Variants in PIGU observed in about 807,000 individuals in gnomAD.
PIGU encodes the protein phosphatidylinositol glycan anchor biosynthesis class U, also known as GPI-anchor transamidase component PIGU.
Under a neutral mutation model 49.9 loss-of-function variants are expected in PIGU, and 24 were observed. That is an observed-to-expected ratio of 0.48 (90% CI 0.35 to 0.68). The LOEUF is 0.68. Among genes scored for constraint, PIGU ranks in the 30% least tolerant of loss-of-function variants. PIGU has a pLI of 0.01. For synonymous variants in PIGU, 220 were observed against 205.7 expected, an observed-to-expected ratio of 1.07 and a Z score of -0.59; for missense variants, 490 against 532.6, an observed-to-expected ratio of 0.92 and a Z score of 0.79.
rs140222499 is a variant in PIGU, at chr20:34,570,980, C to A, written c.1194+4124G>T. ...GAAGAGCATGTTGCTCTTGCTGTTT[C>A]CCATGTCAACACACATGAGTAATGG... On this transcript the variant is annotated intron_variant, in intron 11 of 11. Coordinates refer to ENST00000217446, the MANE Select transcript of PIGU (RefSeq NM_080476.5). Among the ~76,000 whole-genome samples the A allele has an allele frequency of 2.0e-5, 3 of 152,320 alleles. No individual in the cohort carries two copies. In the East Asian group the frequency reaches 5.8e-4, roughly 29 times the overall value.
At chr20:34,673,253 C>CAAAAAAAA (rs71282179) in intron 1 of PIGU, among the ~76,000 whole-genome samples, 1 of 88,824 alleles carries the variant, frequency 1.1e-5, no homozygotes. Flanking sequence ...GACTCCGTCT[C>CAAAAAAAA]AAAAAAAAAA....
chr20:34,569,269 A>G (rs191879061), intron 11 of PIGU, among the ~76,000 whole-genome samples: 2 of 152,284 alleles, frequency 1.3e-5, no homozygotes, highest in East Asian at 3.9e-4. Flanking sequence ...CACTCCTGTC[A>G]CCCAGGATGG....
intron 11 of PIGU, among the ~76,000 whole-genome samples, chr20:34,567,419 CCTTACATGGCACTTTTCA>C (rs1482241201): frequency 5.3e-5 from 8 of 152,290 alleles, no homozygotes; most frequent in South Asian, 2.1e-4. Context: ...AGTAACTGTC[CCTTACATGGCACTTTTCA>C]CTTACATGGC....
At chr20:34,637,541 C>A (rs1986006158) in intron 5 of PIGU, among the ~76,000 whole-genome samples, 1 of 152,142 alleles carries the variant, frequency 6.6e-6, no homozygotes, top group Admixed American at 6.5e-5. Context: ...CACATAAAAA[C>A]CAAACTTTTA....
chr20:34,622,987 G>C (rs892809707), intron 6 of PIGU, among the ~76,000 whole-genome samples: 2 of 152,046 alleles, frequency 1.3e-5, no homozygotes, highest in African/African-American at 4.8e-5. Flanking sequence ...GCAAGACCGG[G>C]GGTAATACTT....
At chr20:34,593,163 C>A (rs1289508772) in intron 7 of PIGU, among the ~76,000 whole-genome samples, 2 of 151,862 alleles carry the variant, frequency 1.3e-5, no homozygotes, top group African/African-American at 4.8e-5. Flanking sequence ...ATGGCGAAAC[C>A]CCATCTCTAC....
intron 7 of PIGU, among the ~76,000 whole-genome samples, chr20:34,593,665 T>C (rs1984083004): frequency 6.6e-6 from 1 of 152,294 alleles, no homozygotes; most frequent in South Asian, 2.1e-4. Context: ...AGGTAACCAT[T>C]TGGAAAAGGT....
chr20:34,611,992 A>G (rs1984833970), intron 7 of PIGU, among the ~76,000 whole-genome samples: 1 of 152,214 alleles, frequency 6.6e-6, no homozygotes, highest in Admixed American at 6.5e-5. Flanking sequence ...CATTTGACCC[A>G]GCAATCCCAT....
At chr20:34,610,243 T>C (rs1272240751) in intron 7 of PIGU, among the ~76,000 whole-genome samples, 1 of 152,056 alleles carries the variant, frequency 6.6e-6, no homozygotes, top group Non-Finnish European at 1.5e-5. Context: ...CGTATTCAAA[T>C]AGGAAAAGAG....
chr20:34,637,502 G>A (rs1002895205), intron 5 of PIGU, among the ~76,000 whole-genome samples: 6 of 152,142 alleles, frequency 3.9e-5, no homozygotes, highest in South Asian at 2.1e-4. Context: ...TACTGTACAC[G>A]AAACATAAGA....
At chr20:34,640,499 G>GCA (rs869136761) in intron 4 of PIGU, among the ~76,000 whole-genome samples, 3 of 16,498 alleles carry the variant, frequency 1.8e-4, no homozygotes, top group South Asian at 3.4e-3. Context: ...GTGCGCACGC[G>GCA]CACACACACA....
chr20:34,590,730 T>A (rs1983933668), intron 7 of PIGU, among the ~76,000 whole-genome samples: 1 of 151,472 alleles, frequency 6.6e-6, no homozygotes, highest in Non-Finnish European at 1.5e-5. Flanking sequence ...CCTTAAAATA[T>A]AAGACACAGA....
At position 34,634,770 on chromosome 20, in the gene PIGU, CA is replaced by C. The variant is rs1224063640; in HGVS notation, c.429-56del. The C allele has an allele frequency of 2.5e-6, 4 of 1,587,138 alleles. No homozygotes were observed. The African/African-American group carries it at 5.4e-5, about 21-fold the overall frequency. Reference sequence around the variant, plus strand: ...GTAATCCTGACCAAGGAGCCCTCGCCATTACAGCAAGGAAGTTCCAAGAGAT... The same window carrying C: ...GTAATCCTGACCAAGGAGCCCTCGCCTTACAGCAAGGAAGTTCCAAGAGAT... On this transcript the variant is annotated intron_variant, in intron 5 of 11. Coordinates refer to ENST00000217446, the MANE Select transcript of PIGU (RefSeq NM_080476.5).
intron 11 of PIGU, among the ~76,000 whole-genome samples, chr20:34,574,506 T>C (rs1456005213): frequency 6.6e-6 from 1 of 152,112 alleles, no homozygotes; most frequent in African/African-American, 2.4e-5. Flanking sequence ...AAGGCTGAGC[T>C]CCTTGCTGGT....
At chr20:34,672,632 C>T (rs147054055) in intron 1 of PIGU, among the ~76,000 whole-genome samples, 1,992 of 151,938 alleles carry the variant, frequency 0.013, 51 homozygotes, top group African/African-American at 0.045. Flanking sequence ...GCAGAAGGAT[C>T]GCTTGAGGCC....
chr20:34,641,947 C>A (rs374540472), intron 4 of PIGU, among the ~76,000 whole-genome samples: 17 of 152,162 alleles, frequency 1.1e-4, no homozygotes, highest in African/African-American at 3.6e-4. Context: ...AATTTTACTT[C>A]AGTCTTGGTA....
intron 6 of PIGU, among the ~76,000 whole-genome samples, chr20:34,621,572 G>A (rs747159460): frequency 1.3e-5 from 2 of 152,080 alleles, no homozygotes; most frequent in Non-Finnish European, 2.9e-5. Context: ...ACGCACAGCC[G>A]GAGCAAAAGT....
At chr20:34,606,374 C>A (rs116172841) in intron 7 of PIGU, among the ~76,000 whole-genome samples, 2 of 151,860 alleles carry the variant, frequency 1.3e-5, no homozygotes, top group Non-Finnish European at 2.9e-5. Flanking sequence ...AAAATCCAAT[C>A]AAGACTCTCC....
At chr20:34,604,355 G>A (rs1273115727) in intron 7 of PIGU, among the ~76,000 whole-genome samples, 1 of 152,134 alleles carries the variant, frequency 6.6e-6, no homozygotes, top group Non-Finnish European at 1.5e-5. Flanking sequence ...GACACGATGT[G>A]AAAGGGAAAA....
Sources: gnomAD v4.1 joint callset for allele counts (sites outside exome capture counted in the v4.1 genomes callset) on GRCh38, gnomAD v4.1.1 for gene constraint, MANE v1.5 for transcripts, NCBI Gene and HGNC (gene_info 2026-07-23, HGNC 2026-07-21) for gene names.